Variants in DDX4 observed in about 807,000 individuals in gnomAD.
DDX4 encodes the protein DEAD-box helicase 4.
Under a neutral mutation model 100.0 loss-of-function variants are expected in DDX4, and 25 were observed. The ratio of observed to expected loss-of-function variants is 0.25; its 90% CI spans 0.18 to 0.35. The LOEUF (loss-of-function observed/expected upper bound fraction) is 0.35, where lower values mean the gene tolerates loss of function less well. Among genes scored for constraint, DDX4 ranks in the 10% least tolerant of loss-of-function variants. The pLI, the probability that DDX4 is intolerant of heterozygous loss-of-function variation, is 1.00. For missense variants in DDX4, 635 were observed against 882.4 expected, an observed-to-expected ratio of 0.72 and a Z score of 3.55; for synonymous variants, 259 against 275.7, an observed-to-expected ratio of 0.94 and a Z score of 0.60.
intron 7 of DDX4, among the ~76,000 whole-genome samples, chr5:55,778,420 TTAAA>T (rs1288574980): frequency 6.6e-6 from 1 of 152,118 alleles, no homozygotes; most frequent in Non-Finnish European, 1.5e-5. Flanking sequence ...TAAAAATAGT[TTAAA>T]TATTTCTTTT....
chr5:55,769,596 A>G (rs1209639780), intron 7 of DDX4, among the ~76,000 whole-genome samples: 1 of 152,204 alleles, frequency 6.6e-6, no homozygotes, highest in Non-Finnish European at 1.5e-5. Context: ...TAAAATGGCC[A>G]TACTGCCCAA....
At chr5:55,795,107 A>G (rs956288517) in intron 17 of DDX4, among the ~76,000 whole-genome samples, 13 of 152,008 alleles carry the variant, frequency 8.6e-5, no homozygotes, top group African/African-American at 2.9e-4. Flanking sequence ...CTGGGATTAC[A>G]GGCATGTACC....
At chr5:55,814,736 T>C (rs994177190) in intron 19 of DDX4, among the ~76,000 whole-genome samples, 165 bp from the exon 20 acceptor site, 1 of 152,174 alleles carries the variant, frequency 6.6e-6, no homozygotes, top group Non-Finnish European at 1.5e-5. Flanking sequence ...GTGATCCACC[T>C]GCTTCAGCCT....
intron 3 of DDX4, among the ~76,000 whole-genome samples, chr5:55,750,939 C>T (rs574268711): frequency 1.3e-5 from 2 of 152,200 alleles, no homozygotes; most frequent in South Asian, 2.1e-4. Context: ...CTGAGATTAC[C>T]TCCTGTTCCC....
At chr5:55,781,023 T>C in intron 8 of DDX4, 43 bp from the exon 9 acceptor site, 1 of 1,548,748 alleles carries the variant, frequency 6.5e-7, no homozygotes, top group Non-Finnish European at 8.7e-7. Context: ...TTAAAAAACT[T>C]CTTCAAAGTA....
intron 7 of DDX4, among the ~76,000 whole-genome samples, chr5:55,779,366 T>C (rs78288314): frequency 0.07 from 10,733 of 152,252 alleles, 592 homozygotes; most frequent in African/African-American, 0.16. Context: ...TAGTTGCAAG[T>C]TTACAAACGG....
At chr5:55,787,770 G>A (rs926226093) in intron 14 of DDX4, 76 bp from the exon 15 acceptor site, 2 of 1,501,398 alleles carry the variant, frequency 1.3e-6, no homozygotes, top group African/African-American at 1.4e-5. Flanking sequence ...AAGGCTATAA[G>A]GACATGAGGA....
chr5:55,787,024 G>A (rs1359809314), intron 14 of DDX4, among the ~76,000 whole-genome samples: 1 of 152,210 alleles, frequency 6.6e-6, no homozygotes, highest in Non-Finnish European at 1.5e-5. Context: ...GAAGTCAAAA[G>A]ATTAAAGAAT....
At chr5:55,755,711 ATTCT>A (rs914332567) in intron 3 of DDX4, among the ~76,000 whole-genome samples, 1 of 151,510 alleles carries the variant, frequency 6.6e-6, no homozygotes, top group Non-Finnish European at 1.5e-5. Context: ...GCCAGGGCAG[ATTCT>A]TTTTTTTTTT....
intron 7 of DDX4, among the ~76,000 whole-genome samples, chr5:55,771,342 A>T (rs1161473626): frequency 1.3e-5 from 2 of 152,168 alleles, no homozygotes; most frequent in African/African-American, 4.8e-5. Flanking sequence ...ATGACTTCTA[A>T]CAGCATACGA....
At chr5:55,763,950 C>T (rs1182129796) in intron 5 of DDX4, 64 bp from the exon 6 acceptor site, 2 of 1,138,494 alleles carry the variant, frequency 1.8e-6, no homozygotes, top group Non-Finnish European at 1.3e-6. Flanking sequence ...ACTAGTAGTT[C>T]CTGTGTGGTT....
At chr5:55,749,720 G>C (rs546959343) in intron 3 of DDX4, among the ~76,000 whole-genome samples, 2 of 151,366 alleles carry the variant, frequency 1.3e-5, no homozygotes, top group African/African-American at 4.8e-5. Context: ...ACTCATGTTT[G>C]ATTTGAAACA....
At chr5:55,753,857 G>A (rs1308839590) in intron 3 of DDX4, among the ~76,000 whole-genome samples, 9 of 126,844 alleles carry the variant, frequency 7.1e-5, no homozygotes, top group South Asian at 6.1e-4. Context: ...TTGAGCAGTG[G>A]TTTGTAGTTC....
chr5:55,815,212 TTTG>T, intron 20 of DDX4, 41 bp downstream of exon 20: 1 of 1,604,906 alleles, frequency 6.2e-7, no homozygotes, highest in Non-Finnish European at 8.5e-7. Context: ...GTTTTCTTAC[TTTG>T]TTGTTGAAAG....
At chr5:55,765,155 T>TTATTCTTTTCCATTTC (rs1740810311) in intron 6 of DDX4, among the ~76,000 whole-genome samples, 1 of 152,006 alleles carries the variant, frequency 6.6e-6, no homozygotes. Context: ...ACCATCATTT[T>TTATTCTTTTCCATTTC]TATTCTTTTC....
At chr5:55,803,594 T>C (rs10064937) in intron 18 of DDX4, among the ~76,000 whole-genome samples, 59,159 of 149,586 alleles carry the variant, frequency 0.4, 12,839 homozygotes, top group African/African-American at 0.56. Context: ...TTTGTTCTTG[T>C]GATAGTTTAC....
intron 4 of DDX4, among the ~76,000 whole-genome samples, chr5:55,761,164 C>T (rs976085846): frequency 6.6e-6 from 1 of 152,022 alleles, no homozygotes; most frequent in Non-Finnish European, 1.5e-5. Context: ...ATGATTTATT[C>T]AAATATACAC....
chr5:55,787,176 G>A (rs1427829160), intron 14 of DDX4, among the ~76,000 whole-genome samples: 1 of 152,174 alleles, frequency 6.6e-6, no homozygotes, highest in East Asian at 1.9e-4. Context: ...TCCATAAGAT[G>A]AGACTCTTAT....
chr5:55,744,100 G>C (rs1003864778), intron 2 of DDX4, among the ~76,000 whole-genome samples: 12 of 152,032 alleles, frequency 7.9e-5, no homozygotes, highest in Non-Finnish European at 1.6e-4. Flanking sequence ...CAAGTATGTT[G>C]TTATTTTTGT....
Sources: allele counts gnomAD v4.1 joint callset (sites outside exome capture counted in the v4.1 genomes callset), GRCh38; gene constraint gnomAD v4.1.1; transcripts MANE v1.5; gene names NCBI Gene and HGNC (gene_info 2026-07-23, HGNC 2026-07-21).